Variants in LIMCH1 observed in about 807,000 individuals in gnomAD.
LIMCH1 encodes the protein LIM and calponin homology domains-containing protein 1.
Under a neutral mutation model 176.5 loss-of-function variants are expected in LIMCH1, and 113 were observed. The observed-to-expected ratio is 0.64, with a 90% CI of 0.55 to 0.75. LIMCH1 has a LOEUF of 0.75. Ranked by LOEUF, LIMCH1 falls within the 30% of genes least tolerant of loss-of-function variation. LIMCH1 has a pLI of 0.00. For synonymous variants in LIMCH1, 619 were observed against 645.9 expected (o/e 0.96, Z 0.63); for missense variants, 1,674 against 1,814.9 (o/e 0.92, Z 1.41).
At chr4:41,561,064 C>T (rs1267330573) in intron 1 of LIMCH1, among the ~76,000 whole-genome samples, 1 of 152,098 alleles carries the variant, frequency 6.6e-6, no homozygotes, top group South Asian at 2.1e-4. Flanking sequence ...TATTCTGATT[C>T]TTTCCCACCT....
intron 1 of LIMCH1, among the ~76,000 whole-genome samples, chr4:41,450,798 C>CAAAAAAAAAA: frequency 2.0e-5 from 1 of 50,662 alleles, no homozygotes; most frequent in Non-Finnish European, 4.1e-5. Context: ...CTCTCTCTCT[C>CAAAAAAAAAA]AAAAAAAAAA....
chr4:41,426,840 A>C (rs189405964), intron 1 of LIMCH1, among the ~76,000 whole-genome samples: 1 of 152,360 alleles, frequency 6.6e-6, no homozygotes, highest in East Asian at 1.9e-4. Context: ...TTTTCCTTTC[A>C]CCTAAAATAA....
At chr4:41,470,505 G>A (rs545317555) in intron 1 of LIMCH1, among the ~76,000 whole-genome samples, 4 of 152,036 alleles carry the variant, frequency 2.6e-5, no homozygotes, top group Non-Finnish European at 5.9e-5. Context: ...CCCATCTCCA[G>A]CTACTTCTTT....
chr4:41,585,634 A>G (rs1416401425), intron 1 of LIMCH1, among the ~76,000 whole-genome samples: 1 of 152,212 alleles, frequency 6.6e-6, no homozygotes, highest in Non-Finnish European at 1.5e-5. Flanking sequence ...TAGCAGTTAC[A>G]CCATTTTACA....
Position 41,620,689 on chromosome 4 carries a change from A to G in LIMCH1, c.724A>G (p.Ser242Gly), listed in dbSNP as rs1381981287. The G allele has an allele frequency of 1.3e-6, 2 of 1,532,592 alleles. No homozygotes were observed. The highest frequency in any genetic ancestry group is 1.4e-5 in the African/African-American group (1 of 73,000). 94.9% of individuals were successfully genotyped at this position (1,532,592 alleles called of 1,614,324 possible). The change falls in exon 7 of 32, where the codon AGT (serine) becomes GGT (glycine). Residue 242 changes from serine to glycine, a missense_variant and splice_region_variant. By Grantham distance (56) the Ser-to-Gly change is moderately conservative. This residue lies in a region of LIMCH1 where 655 missense variants were observed against 692.2 expected (regional missense o/e 0.95). Coordinates refer to ENST00000503057, the MANE Select transcript of LIMCH1 (RefSeq NM_001330672.2). ...KVMPAAQRFA[S>G]QKQLSEEKEA... Reference sequence around the variant, plus strand: ...CATGCCAGCAGCACAGCGCTTTGCCAGGTCAGCTCTGGGCTGAGGGCTGGC... The same window carrying G: ...CATGCCAGCAGCACAGCGCTTTGCCGGGTCAGCTCTGGGCTGAGGGCTGGC...
At chr4:41,585,179 A>G (rs1212924655) in intron 1 of LIMCH1, among the ~76,000 whole-genome samples, 1 of 152,162 alleles carries the variant, frequency 6.6e-6, no homozygotes, top group East Asian at 1.9e-4. Context: ...CTTTTTACTT[A>G]TTAAACAACA....
At chr4:41,619,711 A>T (rs1251573868) in intron 6 of LIMCH1, 7 of 490,266 alleles carry the variant, frequency 1.4e-5, no homozygotes, top group Non-Finnish European at 2.2e-5. Flanking sequence ...TGTTGATAGG[A>T]CATTGAGAGC....
chr4:41,577,814 C>T (rs2084745519), intron 1 of LIMCH1, among the ~76,000 whole-genome samples: 1 of 152,114 alleles, frequency 6.6e-6, no homozygotes, highest in African/African-American at 2.4e-5. Flanking sequence ...ATTTTAATGC[C>T]TAACATAAGC....
chr4:41,411,956 CAAAAAAAAAAAAAAAAAA>C lies in LIMCH1; in HGVS notation c.96+51033_96+51050del, dbSNP rs61054692. On this transcript the variant is annotated intron_variant, in intron 1 of 26. Transcript: ENST00000313860. The stretch of plus-strand genomic sequence containing the variant: ...TAGGCGACAGAGCGAGACTCCATCT[CAAAAAAAAAAAAAAAAAA>C]AAAAAAAAAAAAGGATAGCCCTGAC... Among the ~76,000 whole-genome samples the C allele has an allele frequency of 3.4e-4, 13 of 38,580 alleles. 1 individual carries two copies. In the Admixed American group the frequency reaches 3.5e-3, roughly 10 times the overall value. 25.3% of individuals were successfully genotyped at this position (38,580 alleles called of 152,430 possible).
chr4:41,566,456 G>A (rs931144273), intron 1 of LIMCH1, among the ~76,000 whole-genome samples: 2 of 152,144 alleles, frequency 1.3e-5, no homozygotes, highest in Admixed American at 1.3e-4. Context: ...TGTGGGAAAG[G>A]CTTTGAATGT....
intron 1 of LIMCH1, among the ~76,000 whole-genome samples, chr4:41,597,296 C>G (rs2089050708): frequency 6.6e-6 from 1 of 152,118 alleles, no homozygotes; most frequent in African/African-American, 2.4e-5. Flanking sequence ...GATCACTCAT[C>G]TGCCAAAATT....
At chr4:41,463,045 T>C (rs1376858067) in intron 1 of LIMCH1, among the ~76,000 whole-genome samples, 1 of 129,112 alleles carries the variant, frequency 7.7e-6, no homozygotes, top group African/African-American at 3.9e-5. Context: ...GGGGTGAGGT[T>C]GCTTGGGTAG....
At chr4:41,390,888 T>C (rs1478302194) in intron 1 of LIMCH1, among the ~76,000 whole-genome samples, 2 of 152,228 alleles carry the variant, frequency 1.3e-5, no homozygotes, top group East Asian at 3.8e-4. Flanking sequence ...TTGTCTGAAA[T>C]ATAATCAGAT....
chr4:41,466,029 G>A (rs2066065027), intron 1 of LIMCH1, among the ~76,000 whole-genome samples: 1 of 150,418 alleles, frequency 6.6e-6, no homozygotes, highest in South Asian at 2.1e-4. Flanking sequence ...CACGATCTGG[G>A]CTCACTGCAA....
intron 1 of LIMCH1, among the ~76,000 whole-genome samples, chr4:41,394,031 A>G (rs977555803): frequency 6.6e-6 from 1 of 152,218 alleles, no homozygotes; most frequent in African/African-American, 2.4e-5. Flanking sequence ...GAAATTTTAT[A>G]TCATCTGGGG....
chr4:41,459,448 G>C (rs2065025038), intron 1 of LIMCH1, among the ~76,000 whole-genome samples: 1 of 152,028 alleles, frequency 6.6e-6, no homozygotes, highest in African/African-American at 2.4e-5. Context: ...CCACAGGTGT[G>C]TGCCAATGCA....
At chr4:41,447,713 C>T (rs571131903) in intron 1 of LIMCH1, among the ~76,000 whole-genome samples, 1 of 152,290 alleles carries the variant, frequency 6.6e-6, no homozygotes, top group Non-Finnish European at 1.5e-5. Flanking sequence ...ACCAACTTAC[C>T]TCTAGAACAG....
At chr4:41,457,076 T>G (rs1170916538) in intron 1 of LIMCH1, among the ~76,000 whole-genome samples, 1 of 152,200 alleles carries the variant, frequency 6.6e-6, no homozygotes, top group Non-Finnish European at 1.5e-5. Context: ...AATTCAGAAC[T>G]TATACTTTGG....
chr4:41,497,893 G>A (rs1311414775), intron 2 of LIMCH1, among the ~76,000 whole-genome samples: 1 of 152,092 alleles, frequency 6.6e-6, no homozygotes, highest in East Asian at 1.9e-4. Context: ...GATTTTAATG[G>A]GAGAGAAAAG....
Sources: gnomAD v4.1 joint callset for allele counts (sites outside exome capture counted in the v4.1 genomes callset) on GRCh38, gnomAD v4.1.1 for gene constraint, gnomAD v4.1.1 regional missense constraint, MANE v1.5 for transcripts, NCBI Gene and HGNC (gene_info 2026-07-23, HGNC 2026-07-21) for gene names.